AP3B1: variants seen among roughly 807,000 people sequenced by gnomAD.
AP3B1 encodes adaptor related protein complex 3 subunit beta 1, also known as AP-3 complex subunit beta-1.
Under a neutral mutation model 132.5 loss-of-function variants are expected in AP3B1, and 61 were observed. The ratio of observed to expected loss-of-function variants is 0.46; its 90% CI spans 0.37 to 0.57. The LOEUF (loss-of-function observed/expected upper bound fraction) is 0.57, where lower values mean the gene tolerates loss of function less well. AP3B1 is among the 20% of genes least tolerant of loss of function. The pLI is 0.00. For missense variants in AP3B1, 1,120 were observed against 1,289.4 expected (o/e 0.87, Z 2.01); for synonymous variants, 388 against 438.3 (o/e 0.89, Z 1.43).
chr5:78,222,621 T>TA (rs1452500556), intron 6 of AP3B1: 1 of 151,710 alleles, frequency 6.6e-6, no homozygotes. Flanking sequence ...AAGTAAAGAC[T>TA]CTTTGTCATG....
At chr5:78,228,040 C>T (rs1051321995) in intron 4 of AP3B1, 104 bp downstream of exon 4, 3 of 712,756 alleles carry the variant, frequency 4.2e-6, no homozygotes, top group Non-Finnish European at 6.7e-6. Context: ...TCTTTCAAGA[C>T]ACTACTGTGC....
intron 8 of AP3B1, among the ~76,000 whole-genome samples, chr5:78,177,795 C>T (rs1013827968): frequency 3.9e-5 from 6 of 152,070 alleles, no homozygotes; most frequent in African/African-American, 1.4e-4. Flanking sequence ...TAGTGTGATA[C>T]ACCCATAAGC....
rs185015229 is a variant in AP3B1 at position 78,148,134 on chromosome 5, G to A, written c.1474-6815C>T. Among the ~76,000 whole-genome samples, 6 of 152,140 alleles carry A rather than the reference G, an allele frequency of 3.9e-5. 1 individual carries two copies. In the East Asian group the frequency reaches 9.7e-4, roughly 25 times the overall value. On this transcript the variant is annotated intron_variant, in intron 14 of 26. Coordinates refer to ENST00000255194, the MANE Select transcript of AP3B1 (RefSeq NM_003664.5). ...CATGAATATACTCAAATAGAAGAAAGTTTTCTTCCAAGAAAGCCTAGGGTT... is the reference window on the plus strand; with the variant it reads ...CATGAATATACTCAAATAGAAGAAAATTTTCTTCCAAGAAAGCCTAGGGTT...
chr5:78,201,882 T>C (rs994052677), intron 7 of AP3B1, among the ~76,000 whole-genome samples: 4 of 151,404 alleles, frequency 2.6e-5, no homozygotes, highest in Non-Finnish European at 5.9e-5. Flanking sequence ...AAGGTAACTA[T>C]CCCTCTCTCT....
rs1307298245 is a variant in AP3B1 at position 78,175,622 on chromosome 5, A to G, written c.1167+4T>C. The G allele has an allele frequency of 9.3e-6, 15 of 1,610,676 alleles. No homozygotes were observed. The highest frequency in any genetic ancestry group is 1.3e-5 in the African/African-American group (1 of 74,964). On this transcript the variant is annotated splice_donor_region_variant and intron_variant, in intron 11 of 26. Transcript: ENST00000255194. ...AAGCCTCTGAAAAATGAAAGCATAC[A>G]TACCTTCAGTGTCTTGATCATAGTT...
intron 22 of AP3B1, among the ~76,000 whole-genome samples, chr5:78,070,125 G>A (rs760163942): frequency 6.6e-6 from 1 of 151,974 alleles, no homozygotes; most frequent in Non-Finnish European, 1.5e-5. Flanking sequence ...ACTTAAATGT[G>A]ATTGGGCACC....
intron 24 of AP3B1, among the ~76,000 whole-genome samples, chr5:78,026,317 C>T (rs572956821): frequency 1.3e-5 from 2 of 152,310 alleles, no homozygotes; most frequent in Non-Finnish European, 2.9e-5. Context: ...ACTTGGTACA[C>T]ATTTAACTGT....
At chr5:78,022,477 T>G (rs1258901613) in intron 24 of AP3B1, among the ~76,000 whole-genome samples, 1 of 152,180 alleles carries the variant, frequency 6.6e-6, no homozygotes, top group Non-Finnish European at 1.5e-5. Flanking sequence ...TCATATATAG[T>G]ATGACCATTC....
At chr5:78,100,641 A>G (rs2112232739) in intron 21 of AP3B1, among the ~76,000 whole-genome samples, 1 of 152,338 alleles carries the variant, frequency 6.6e-6, no homozygotes, top group East Asian at 1.9e-4. Flanking sequence ...TCCACATTTC[A>G]CAATGTAGAA....
intron 20 of AP3B1, among the ~76,000 whole-genome samples, chr5:78,108,323 T>C (rs1751429456): frequency 6.6e-6 from 1 of 152,198 alleles, no homozygotes; most frequent in Non-Finnish European, 1.5e-5. Context: ...AAGGAGGACT[T>C]TTCCACAATT....
intron 23 of AP3B1, among the ~76,000 whole-genome samples, chr5:78,037,227 T>C (rs1747843550): frequency 6.6e-6 from 1 of 152,240 alleles, no homozygotes; most frequent in East Asian, 1.9e-4. Flanking sequence ...ACTGTTCTAC[T>C]GCTTTAACCT....
At position 78,128,118 on chromosome 5, in the gene AP3B1, T is replaced by G; in HGVS notation, c.1880A>C (p.Asn627Thr). The stretch of plus-strand genomic sequence containing the variant: ...TTCCAGGTACCCAGTAGCTTTAATG[T>G]TGAGAGTATGAGATAAGGTGCCAAG... ...FQLGTLSHTL[N>T]IKATGYLELS... Residue 627 changes from asparagine to threonine, a missense_variant, in exon 17 of 27, where the codon AAC (asparagine) becomes ACC (threonine). This residue lies in a region of AP3B1 where 906 missense variants were observed against 997.1 expected (regional missense o/e 0.91). Coordinates refer to ENST00000255194, the MANE Select transcript of AP3B1 (RefSeq NM_003664.5). 1 of 1,612,702 alleles carries G rather than the reference T, an allele frequency of 6.2e-7. No homozygotes were observed. The highest frequency in any genetic ancestry group is 1.7e-4 in the Middle Eastern group (1 of 6,054).
At chr5:78,245,885 C>G (rs761062843) in intron 2 of AP3B1, among the ~76,000 whole-genome samples, 8 of 152,182 alleles carry the variant, frequency 5.3e-5, no homozygotes, top group Non-Finnish European at 1.2e-4. Context: ...TTTGAAAAAG[C>G]TGCAGTACCA....
At chr5:78,056,150 A>T (rs1328899888) in intron 22 of AP3B1, among the ~76,000 whole-genome samples, 2 of 152,252 alleles carry the variant, frequency 1.3e-5, no homozygotes, top group Non-Finnish European at 2.9e-5. Context: ...CCACTTTTTT[A>T]AAAAAAGCAA....
intron 2 of AP3B1, among the ~76,000 whole-genome samples, chr5:78,264,084 A>G (rs776763846): frequency 2.6e-5 from 4 of 152,168 alleles, no homozygotes; most frequent in Non-Finnish European, 2.9e-5. Flanking sequence ...TAAGTACTCT[A>G]TGAGGTTCAC....
chr5:78,098,898 T>C (rs2112229347), intron 21 of AP3B1, among the ~76,000 whole-genome samples: 1 of 152,078 alleles, frequency 6.6e-6, no homozygotes, highest in Middle Eastern at 3.4e-3. Flanking sequence ...AAAAATGCCA[T>C]GAAGACAAGA....
intron 2 of AP3B1, among the ~76,000 whole-genome samples, chr5:78,249,725 A>T (rs1032095207): frequency 6.6e-5 from 10 of 151,734 alleles, no homozygotes; most frequent in African/African-American, 2.4e-4. Context: ...CTGGGACCAC[A>T]GGCACCCTCC....
intron 15 of AP3B1, among the ~76,000 whole-genome samples, chr5:78,136,012 C>A (rs1251996702): frequency 6.6e-6 from 1 of 151,382 alleles, no homozygotes; most frequent in Non-Finnish European, 1.5e-5. Context: ...TTTTTCTTCA[C>A]AGACTGAAAA....
chr5:78,244,205 C>T (rs913401460), intron 2 of AP3B1, among the ~76,000 whole-genome samples: 2 of 152,108 alleles, frequency 1.3e-5, no homozygotes, highest in Admixed American at 1.3e-4. Context: ...ACCAGCCCGG[C>T]CAACATGCTG....
Sources: allele counts gnomAD v4.1 joint callset (sites outside exome capture counted in the v4.1 genomes callset), GRCh38; gene constraint gnomAD v4.1.1; regional missense constraint gnomAD v4.1.1; transcripts MANE v1.5; gene names NCBI Gene and HGNC (gene_info 2026-07-23, HGNC 2026-07-21).